Variants in RYR3 observed in about 807,000 individuals in gnomAD.
The protein encoded by RYR3 is ryanodine receptor 3, also known as brain ryanodine receptor-calcium release channel.
RYR3 carries 207 observed loss-of-function variants against 584.3 expected under a neutral mutation model. The observed-to-expected ratio is 0.35, with a 90% confidence interval of 0.32 to 0.40. RYR3 has a LOEUF of 0.40. Among genes scored for constraint, RYR3 ranks in the 10% least tolerant of loss-of-function variants. The probability of loss-of-function intolerance (pLI) is 1.00; values close to 1 mark genes in which losing one functional copy is unlikely to be tolerated. For missense variants in RYR3, 5,616 were observed against 6,089.2 expected, an observed-to-expected ratio of 0.92 and a Z score of 2.59; for synonymous variants, 2,416 against 2,248.5, an observed-to-expected ratio of 1.07 and a Z score of -2.11.
chr15:33,794,300 T>TATA, intron 67 of RYR3, among the ~76,000 whole-genome samples: 1 of 101,048 alleles, frequency 9.9e-6, no homozygotes, highest in South Asian at 4.4e-4. Flanking sequence ...ATTTTTTATA[T>TATA]ATATATTTTT....
intron 16 of RYR3, among the ~76,000 whole-genome samples, chr15:33,598,870 G>A (rs2059525325): frequency 6.6e-6 from 1 of 152,162 alleles, no homozygotes. Flanking sequence ...TGGCTAACAC[G>A]GTGAAACCCT....
At chr15:33,686,009 A>C (rs2064983170) in intron 38 of RYR3, among the ~76,000 whole-genome samples, 1 of 151,640 alleles carries the variant, frequency 6.6e-6, no homozygotes. Flanking sequence ...TAAAATCAAC[A>C]CCCTAACATC....
At chr15:33,788,005 A>G (rs2152912584) in intron 66 of RYR3, among the ~76,000 whole-genome samples, 1 of 152,318 alleles carries the variant, frequency 6.6e-6, no homozygotes, top group South Asian at 2.1e-4. Flanking sequence ...GCAGAGCAGG[A>G]ATATGGACCT....
At chr15:33,664,587 G>GTTTATATATATATATATATATATA (rs879709155) in intron 36 of RYR3, among the ~76,000 whole-genome samples, 1 of 42,636 alleles carries the variant, frequency 2.3e-5, no homozygotes, top group Non-Finnish European at 5.1e-5. Context: ...GTGTGTGTGT[G>GTTTATATATATATATATATATATA]TGTATATATA....
At chr15:33,748,281 G>A (rs1337586584) in intron 54 of RYR3, 21 bp downstream of exon 54, 4 of 1,611,686 alleles carry the variant, frequency 2.5e-6, no homozygotes, top group Middle Eastern at 3.4e-4. Context: ...ACACCCAGAG[G>A]CCCACGCTGG....
chr15:33,864,484 A>G (rs1326746448), intron 103 of RYR3, among the ~76,000 whole-genome samples: 1 of 152,166 alleles, frequency 6.6e-6, no homozygotes, highest in Non-Finnish European at 1.5e-5. Flanking sequence ...TAAGAAATGG[A>G]GTGGGTGGCT....
At chr15:33,803,628 G>A (rs1463895066) in intron 69 of RYR3, among the ~76,000 whole-genome samples, 1 of 152,036 alleles carries the variant, frequency 6.6e-6, no homozygotes, top group Non-Finnish European at 1.5e-5. Flanking sequence ...CAATTCTTCT[G>A]CCTCAGCCTC....
intron 20 of RYR3, among the ~76,000 whole-genome samples, chr15:33,625,264 A>G (rs1163779485): frequency 6.6e-6 from 1 of 152,186 alleles, no homozygotes. Context: ...CTATGATCAA[A>G]TCACTTCCCA....
At chr15:33,642,486 CT>C (rs1023310320) in intron 27 of RYR3, among the ~76,000 whole-genome samples, 2 of 152,214 alleles carry the variant, frequency 1.3e-5, no homozygotes, top group Admixed American at 1.3e-4. Flanking sequence ...CACATTCCCT[CT>C]TTTATATTCC....
At chr15:33,521,442 G>A (rs979874057) in intron 3 of RYR3, among the ~76,000 whole-genome samples, 5 of 152,122 alleles carry the variant, frequency 3.3e-5, no homozygotes, top group African/African-American at 1.2e-4. Flanking sequence ...ATAATTCTAG[G>A]CACTTCCAAG....
chr15:33,569,312 A>G (rs1333379371), intron 12 of RYR3, among the ~76,000 whole-genome samples: 3 of 152,112 alleles, frequency 2.0e-5, no homozygotes, highest in African/African-American at 4.8e-5. Flanking sequence ...CGTTTTAGCC[A>G]TTTTTAGTTT....
At position 33,543,674 on chromosome 15, in the gene RYR3, T is replaced by G; in HGVS notation, c.699T>G (p.Cys233Trp). The G allele has an allele frequency of 6.2e-7, 1 of 1,613,086 alleles. No individual in the cohort carries two copies. Among genetic ancestry groups the G allele is most frequent in the Non-Finnish European group, 8.5e-7 (1 of 1,179,134 alleles). Residue 233 changes from cysteine to tryptophan, a missense_variant, in exon 8 of 104, where the codon TGT becomes TGG. This residue lies in a region of RYR3 where 1,284 missense variants were observed against 1,344.6 expected (regional missense o/e 0.95). Transcript: ENST00000634891. ...GTCTTTTCCATGGTCATGATGAATG[T>G]TTGACGATACCATCTACAGACCAGA... ...VVRLFHGHDE[C>W]LTIPSTDQND...
At chr15:33,859,474 A>AG in intron 99 of RYR3, 101 bp from the exon 100 acceptor site, 2 of 1,353,346 alleles carry the variant, frequency 1.5e-6, no homozygotes, top group Admixed American at 3.7e-5. Flanking sequence ...CTCGTGGCTT[A>AG]GGGCTGCCAC....
intron 1 of RYR3, among the ~76,000 whole-genome samples, chr15:33,465,991 T>TGG (rs2048458026): frequency 6.6e-6 from 1 of 152,062 alleles, no homozygotes; most frequent in Admixed American, 6.6e-5. Context: ...AGAACATATG[T>TGG]GGGGAGATAC....
chr15:33,835,268 A>C (rs113321545), intron 87 of RYR3, among the ~76,000 whole-genome samples, 196 bp downstream of exon 87: 1,827 of 152,296 alleles, frequency 0.012, 47 homozygotes, highest in African/African-American at 0.041. Context: ...GGTCCCAGAC[A>C]GGCTTTTGCA....
intron 42 of RYR3, among the ~76,000 whole-genome samples, chr15:33,706,339 C>T (rs2066715204): frequency 6.6e-6 from 1 of 152,144 alleles, no homozygotes; most frequent in Non-Finnish European, 1.5e-5. Context: ...TAACTCTTTT[C>T]ATCTTGTAAA....
At chr15:33,563,156 G>A (rs973417041) in intron 11 of RYR3, 146 bp downstream of exon 11, 96 of 680,258 alleles carry the variant, frequency 1.4e-4, no homozygotes, top group Non-Finnish European at 2.1e-4. Context: ...ATTGTACACA[G>A]TTTCTCCAAA....
intron 3 of RYR3, among the ~76,000 whole-genome samples, chr15:33,518,678 A>T (rs747374698): frequency 1.3e-5 from 2 of 152,234 alleles, no homozygotes; most frequent in South Asian, 2.1e-4. Flanking sequence ...CCCAGCTTCC[A>T]TTCATAGATC....
chr15:33,725,585 A>G (rs1040738956), intron 45 of RYR3, among the ~76,000 whole-genome samples: 1 of 152,050 alleles, frequency 6.6e-6, no homozygotes, highest in African/African-American at 2.4e-5. Flanking sequence ...GACATTCTCT[A>G]CACCCTTTTT....
Sources: gnomAD v4.1 joint callset for allele counts (sites outside exome capture counted in the v4.1 genomes callset) on GRCh38, gnomAD v4.1.1 for gene constraint, gnomAD v4.1.1 regional missense constraint, MANE v1.5 for transcripts, NCBI Gene and HGNC (gene_info 2026-07-23, HGNC 2026-07-21) for gene names.